The following IQANK1 variants were observed in gnomAD, a reference collection of about 807,000 sequenced individuals.
IQANK1 encodes IQ motif and ankyrin repeat domain-containing protein 1.
A neutral mutation model predicts 22.6 loss-of-function variants in IQANK1; 30 were observed. That is an observed-to-expected ratio of 1.33 (90% confidence interval 0.99 to 1.80). The LOEUF (loss-of-function observed/expected upper bound fraction) is 1.80, where lower values mean the gene tolerates loss of function less well. Ranked by LOEUF, IQANK1 falls within the 40% of genes most tolerant of loss-of-function variation. The pLI is 0.00. For synonymous variants in IQANK1, 122 were observed against 99.6 expected, an observed-to-expected ratio of 1.23 and a Z score of -1.34; for missense variants, 275 against 235.2, an observed-to-expected ratio of 1.17 and a Z score of -1.11.
intron 7 of IQANK1, among the ~76,000 whole-genome samples, chr8:143,785,281 G>C (rs1819866104): frequency 2.4e-5 from 3 of 126,482 alleles, no homozygotes; most frequent in Admixed American, 1.8e-4. Context: ...TTTTGAGACA[G>C]AGTCTTCCTC....
chr8:143,755,783 G>A (rs1554628420), intron 3 of IQANK1, among the ~76,000 whole-genome samples: 1 of 152,204 alleles, frequency 6.6e-6, no homozygotes, highest in African/African-American at 2.4e-5. Flanking sequence ...TGATGGAAAG[G>A]GTTCAGTGTG....
chr8:143,761,780 T>A (rs1423000037), intron 3 of IQANK1, among the ~76,000 whole-genome samples: 1 of 147,962 alleles, frequency 6.8e-6, no homozygotes, highest in Non-Finnish European at 1.5e-5. Flanking sequence ...TTTTACAAAT[T>A]AAATTTCAAA....
At chr8:143,754,247 C>T (rs1163358040) in intron 3 of IQANK1, among the ~76,000 whole-genome samples, 2 of 152,176 alleles carry the variant, frequency 1.3e-5, no homozygotes, top group African/African-American at 4.8e-5. Flanking sequence ...TTGTCTGCCC[C>T]TCAGGAGCCA....
At chr8:143,752,949 A>G (rs557392944) in intron 3 of IQANK1, among the ~76,000 whole-genome samples, 1 of 125,462 alleles carries the variant, frequency 8.0e-6, no homozygotes, top group East Asian at 2.4e-4. Flanking sequence ...TAAAATGTAT[A>G]TGTTGGCCCG....
In IQANK1 at chr8:143,772,347, C is replaced by A. The variant is rs1311763899; in HGVS notation, c.664-10C>A. The A allele has an allele frequency of 4.5e-5, 18 of 398,864 alleles. 1 individual carries two copies. Among genetic ancestry groups the A allele is most frequent in the Non-Finnish European group, 1.3e-5 (3 of 226,098 alleles). The allele number at this position is 398,864 out of a possible 1,614,324, so 24.7% of individuals were successfully genotyped here. On this transcript the variant is annotated splice_polypyrimidine_tract_variant and intron_variant, in intron 6 of 13. Coordinates refer to ENST00000527139, the MANE Select transcript of IQANK1 (RefSeq NM_001381874.1). Reference sequence around the variant, plus strand: ...AGGCCTGGATCTTGCTCGGGGGGCCCGTCTTGCAGGGCGCTTTCGGTCCGA... The same window carrying A: ...AGGCCTGGATCTTGCTCGGGGGGCCAGTCTTGCAGGGCGCTTTCGGTCCGA...
chr8:143,769,209 G>A lies in IQANK1; in HGVS notation c.176-2279G>A, dbSNP rs188686240. Among the ~76,000 whole-genome samples the A allele has an allele frequency of 1.3e-3, 200 of 151,564 alleles. 2 individuals carry two copies. Among genetic ancestry groups the A allele is most frequent in the African/African-American group, 3.7e-3 (151 of 41,312 alleles). ...TGAGTAACCGGGACTACAGATGCAC[G>A]CCACTGCACCCAGCTAATTTTTAGT... is the stretch of plus-strand genomic sequence containing the variant. On this transcript the variant is annotated intron_variant, in intron 3 of 13. Coordinates refer to ENST00000527139, the MANE Select transcript of IQANK1 (RefSeq NM_001381874.1).
At chr8:143,763,267 G>T (rs1819428032) in intron 3 of IQANK1, among the ~76,000 whole-genome samples, 1 of 152,208 alleles carries the variant, frequency 6.6e-6, no homozygotes. Flanking sequence ...GCCCGCCTTG[G>T]CCTCCCAAAG....
intron 3 of IQANK1, chr8:143,742,086 C>A (rs1818931254): frequency 3.0e-6 from 1 of 334,814 alleles, no homozygotes. Context: ...CTAGGAGCGT[C>A]CCCACAGGAT....
At chr8:143,779,073 C>A (rs868993986) in intron 7 of IQANK1, among the ~76,000 whole-genome samples, 13 of 152,150 alleles carry the variant, frequency 8.5e-5, no homozygotes, top group Middle Eastern at 3.4e-3. Flanking sequence ...AGCCATGAGT[C>A]ATTTATTTAT....
Position 143,771,827 on chromosome 8 carries a change from G to A in IQANK1, c.333G>A (p.Glu111=), listed in dbSNP as rs1331552715. The A allele has an allele frequency of 7.6e-6, 3 of 395,812 alleles. No homozygotes were observed. The highest frequency in any genetic ancestry group is 1.3e-5 in the Non-Finnish European group (3 of 224,324). 24.5% of individuals were successfully genotyped at this position (395,812 alleles called of 1,614,324 possible). A position where few individuals can be genotyped will look rare whatever the true frequency, so the allele number is the denominator to read the frequency against. ...KEAYLAPVRR[E]QEAARRLREQ... The stretch of plus-strand genomic sequence containing the variant: ...CCTACCTGGCTCCGGTGCGCCGGGA[G>A]CAGGAGGCCGCGCGGCGGCTGCGCG... The change falls in exon 5 of 14, where the codon GAG becomes GAA. Residue 111 remains glutamate (E), a synonymous_variant. Coordinates refer to ENST00000527139, the MANE Select transcript of IQANK1 (RefSeq NM_001381874.1). The surrounding 1 kb of genome is among the most constrained non-coding windows in gnomAD (Gnocchi z 6.0).
At chr8:143,754,463 A>T (rs1274776527) in intron 3 of IQANK1, among the ~76,000 whole-genome samples, 1 of 152,082 alleles carries the variant, frequency 6.6e-6, no homozygotes, top group East Asian at 1.9e-4. Flanking sequence ...ATGCTTGTTG[A>T]TGAAATTCAG....
chr8:143,786,184 G>A (rs780590588), intron 7 of IQANK1, among the ~76,000 whole-genome samples: 9 of 152,178 alleles, frequency 5.9e-5, no homozygotes, highest in Non-Finnish European at 1.2e-4. Flanking sequence ...TTTACTGGTA[G>A]GAATCATTTG....
intron 7 of IQANK1, among the ~76,000 whole-genome samples, chr8:143,778,714 C>T (rs868987938): frequency 9.2e-5 from 14 of 152,322 alleles, no homozygotes; most frequent in South Asian, 2.1e-4. Context: ...TCCATCTCGC[C>T]CCAGTATTGG....
At position 143,780,688 on chromosome 8, in the gene IQANK1, G is replaced by A. The variant is rs190817606; in HGVS notation, c.789+8206G>A. Among the ~76,000 whole-genome samples, 10 of 152,224 alleles carry A rather than the reference G, an allele frequency of 6.6e-5. No individual in the cohort carries two copies. The South Asian group carries it at 8.3e-4, about 13-fold the overall frequency. ...TTTTTATGGCTGCATAGTATTCCAC[G>A]GTGTGCATGTACCACATTTTCTTTA... On this transcript the variant is annotated intron_variant, in intron 7 of 13. Transcript: ENST00000527139.
intron 7 of IQANK1, among the ~76,000 whole-genome samples, chr8:143,784,681 G>C (rs1026309134): frequency 2.0e-5 from 3 of 152,200 alleles, no homozygotes; most frequent in Non-Finnish European, 4.4e-5. Flanking sequence ...GGCTGACAGA[G>C]CAACCACCAT....
intron 3 of IQANK1, among the ~76,000 whole-genome samples, chr8:143,754,286 C>G (rs1193403467): frequency 6.6e-6 from 1 of 152,180 alleles, no homozygotes; most frequent in Non-Finnish European, 1.5e-5. Context: ...TTACAGACTT[C>G]GTGACTATGT....
intron 7 of IQANK1, among the ~76,000 whole-genome samples, chr8:143,780,058 A>G (rs1303009408): frequency 6.6e-6 from 1 of 152,150 alleles, no homozygotes; most frequent in East Asian, 1.9e-4. Flanking sequence ...TCAATTATTT[A>G]CCACAAAGGA....
At chr8:143,749,118 A>G (rs1165480687) in intron 3 of IQANK1, among the ~76,000 whole-genome samples, 14 of 123,524 alleles carry the variant, frequency 1.1e-4, no homozygotes, top group African/African-American at 4.6e-4. Flanking sequence ...ATATAAACGT[A>G]TATATAGCAT....
At chr8:143,738,333 A>G (rs1818798664) in intron 2 of IQANK1, among the ~76,000 whole-genome samples, 1 of 152,132 alleles carries the variant, frequency 6.6e-6, no homozygotes, top group East Asian at 1.9e-4. Flanking sequence ...GCGTCCCTGG[A>G]GGCTACAGTG....
Sources: allele counts gnomAD v4.1 joint callset (sites outside exome capture counted in the v4.1 genomes callset), GRCh38; gene constraint gnomAD v4.1.1; non-coding constraint Gnocchi (gnomAD v3.1); transcripts MANE v1.5; gene names NCBI Gene and HGNC (gene_info 2026-07-23, HGNC 2026-07-21).